Variants in TUBB8 observed in about 807,000 individuals in gnomAD.
TUBB8 encodes the protein tubulin beta 8 class VIII.
In TUBB8, 25 loss-of-function variants were observed where a neutral mutation model predicts 33.7. That is an observed-to-expected ratio of 0.74 (90% CI 0.54 to 1.04). TUBB8 has a LOEUF of 1.04. Among genes scored for constraint, TUBB8 ranks in the 50% least tolerant of loss-of-function variants. The probability of loss-of-function intolerance (pLI) is 0.00; values close to 1 mark genes in which losing one functional copy is unlikely to be tolerated. For synonymous variants in TUBB8, 245 were observed against 240.1 expected (o/e 1.02, Z -0.19); for missense variants, 279 against 608.0 (o/e 0.46, Z 5.69).
chr10:75,244 G>T (rs1445592989), upstream of TUBB8, among the ~76,000 whole-genome samples: 1 of 151,994 alleles, frequency 6.6e-6, no homozygotes, highest in East Asian at 1.9e-4. Flanking sequence ...AACTACTTGG[G>T]AGGCTGAGGC....
At chr10:67,561 A>G (rs1368491959) in intron 1 of TUBB8, among the ~76,000 whole-genome samples, 2 of 152,116 alleles carry the variant, frequency 1.3e-5, no homozygotes, top group African/African-American at 2.4e-5. Context: ...AGTAGCTAGG[A>G]TTACATGCGC....
In TUBB8 at chr10:47,498, GT is replaced by G. The variant is rs1446854886; in HGVS notation, c.893del (p.Asn298ThrfsTer2). On this transcript the variant is annotated frameshift_variant, in exon 4 of 4. Transcript: ENST00000568584. LOFTEE classifies it high-confidence loss of function. ...ELTQQMFDAK[N>X]MMAACDPRHG... ...GACGGGGGTCACAGGCAGCCATCATGTTCTTAGCATCAAACATCTGCTGGGT... is the reference window on the plus strand; with the variant it reads ...GACGGGGGTCACAGGCAGCCATCATGTCTTAGCATCAAACATCTGCTGGGT... 1 of 1,612,170 alleles carries G rather than the reference GT, an allele frequency of 6.2e-7. No individual in the cohort carries two copies. The highest frequency in any genetic ancestry group is 1.3e-5 in the African/African-American group (1 of 74,912).
At chr10:64,498 T>G (rs1554741324) in intron 1 of TUBB8, among the ~76,000 whole-genome samples, 1 of 83,620 alleles carries the variant, frequency 1.2e-5, no homozygotes, top group Non-Finnish European at 2.3e-5. Flanking sequence ...ACCCTAACCC[T>G]CACCCTCACC....
rs1463369289 is a variant in TUBB8 at position 63,563 on chromosome 10, C to A, written c.-846+10406G>T. Among the ~76,000 whole-genome samples the A allele has an allele frequency of 2.6e-5, 4 of 152,194 alleles. No individual in the cohort carries two copies. In the East Asian group the frequency reaches 7.7e-4, roughly 29 times the overall value. ...TCACTAAATCTATCTTCTCCTTGAT[C>A]AATTTTTTTAAGTAACTCTGATGCA... On this transcript the variant is annotated intron_variant, in intron 1 of 3. Transcript: ENST00000564130.
upstream of TUBB8, chr10:49,477 G>A (rs1834437015): frequency 1.6e-6 from 1 of 620,280 alleles, no homozygotes; most frequent in African/African-American, 2.7e-5. Flanking sequence ...TTCCACGTTG[G>A]GGAAAGCTGC....
In TUBB8 at chr10:49,226, C is replaced by T. The variant is rs1299875180; in HGVS notation, c.13G>A (p.Val5Met). 6.3e-7 allele frequency: 1 copy of T among 1,585,244 alleles called. No individual in the cohort carries two copies. Among genetic ancestry groups the T allele is most frequent in the Non-Finnish European group, 8.6e-7 (1 of 1,166,340 alleles). ...CCGCACTGCCCGATCTGCGTGAGCA[C>T]GATCTCCCTCATGGCCAAGGCGGGA... MREI[V>M]LTQIGQCGNQ... The change falls in exon 1 of 4, where the codon GTG (valine) becomes ATG (methionine). Residue 5 changes from valine (V) to methionine (M), a missense_variant. By Grantham distance (21) the Val-to-Met change is conservative. Around this residue, in one of 4 missense-constraint regions of TUBB8, gnomAD observed 56 missense variants for 77.9 expected, o/e 0.72. Transcript: ENST00000568584.
At chr10:56,062 A>T (rs1321400231) in intron 1 of TUBB8, among the ~76,000 whole-genome samples, 14 of 152,246 alleles carry the variant, frequency 9.2e-5, no homozygotes, top group Non-Finnish European at 1.5e-5. Context: ...AAAAGTACAG[A>T]TTGCTTTGGA....
intron 1 of TUBB8, among the ~76,000 whole-genome samples, chr10:62,923 T>C (rs1834621806): frequency 6.6e-6 from 1 of 152,240 alleles, no homozygotes; most frequent in South Asian, 2.1e-4. Context: ...ATCATTTCTT[T>C]ATCCTTAACC....
At chr10:58,674 C>G (rs1446912593) in intron 1 of TUBB8, among the ~76,000 whole-genome samples, 2 of 152,166 alleles carry the variant, frequency 1.3e-5, no homozygotes, top group African/African-American at 4.8e-5. Context: ...TGGGAACTCA[C>G]TCACTATCAT....
At chr10:74,235 A>C (rs1472079933), upstream of TUBB8, 17 of 151,024 alleles carry the variant, frequency 1.1e-4, no homozygotes, top group African/African-American at 4.1e-4. Context: ...AGCTCTGGGG[A>C]ATCTCTGGAA....
chr10:66,383 C>T (rs148242157), intron 1 of TUBB8, among the ~76,000 whole-genome samples: 18,809 of 119,030 alleles, frequency 0.16, no homozygotes, highest in African/African-American at 0.29. Context: ...GGGTGGTGGC[C>T]CACACCTGTA....
At chr10:74,308 T>TC (rs2130955511), upstream of TUBB8, 1 of 151,472 alleles carries the variant, frequency 6.6e-6, no homozygotes, top group East Asian at 1.9e-4. Context: ...GAGACCACCA[T>TC]CCCGTCCCTT....
rs1834361948 is a variant in TUBB8 at position 47,557 on chromosome 10, G to A, written c.835C>T (p.Gln279Ter). 6.2e-7 allele frequency: 1 copy of A among 1,611,598 alleles called. No homozygotes were observed. Residue 279 changes from glutamine to a stop codon, truncating the protein, a stop_gained, in exon 4 of 4, where the codon CAG becomes TAG. Coordinates refer to ENST00000568584, the MANE Select transcript of TUBB8 (RefSeq NM_177987.3). LOFTEE classifies it high-confidence loss of function. Reference sequence around the variant, plus strand: ...GCCACAGTCAAGGCCCGGTACTGCTGGCTGCCCCGGCTGGTCAGTGGGGCA... The same window carrying A: ...GCCACAGTCAAGGCCCGGTACTGCTAGCTGCCCCGGCTGGTCAGTGGGGCA... The part of the protein sequence containing the change: ...GFAPLTSRGS[Q>*]QYRALTVAEL...
At chr10:52,171 C>T (rs73577600), upstream of TUBB8, among the ~76,000 whole-genome samples, 14,126 of 115,854 alleles carry the variant, frequency 0.12, no homozygotes, top group African/African-American at 0.26. Context: ...GAGTCTCTCA[C>T]CCTAATATTA....
upstream of TUBB8, among the ~76,000 whole-genome samples, chr10:74,894 G>GGGGGC (rs1834790556): frequency 8.8e-6 from 1 of 113,648 alleles, no homozygotes; most frequent in African/African-American, 3.3e-5. Context: ...TTTTTTTTGA[G>GGGGGC]ACGGAGTTTC....
Position 48,715 on chromosome 10 carries a change from G to A in TUBB8, c.177C>T (p.Tyr59=), listed in dbSNP as rs138641173. The A allele has an allele frequency of 9.3e-5, 150 of 1,611,526 alleles. No individual in the cohort carries two copies. In the African/African-American group the frequency reaches 1.8e-3, roughly 19 times the overall value. Residue 59 remains tyrosine, a synonymous_variant, in exon 3 of 4, where the codon TAC becomes TAT. Coordinates refer to ENST00000568584, the MANE Select transcript of TUBB8 (RefSeq NM_177987.3). The part of the protein sequence containing the change: ...VYYNEASGGR[Y]VPRAVLVDLE... ...GATCCACGAGCACAGCGCGGGGCACGTACCTGCCACCTGCGTGGGGCGGGA... is the reference window on the plus strand; with the variant it reads ...GATCCACGAGCACAGCGCGGGGCACATACCTGCCACCTGCGTGGGGCGGGA...
chr10:61,978 T>C (rs1834607992), intron 1 of TUBB8, among the ~76,000 whole-genome samples: 1 of 140,536 alleles, frequency 7.1e-6, no homozygotes, highest in Non-Finnish European at 1.6e-5. Flanking sequence ...TCAGTCTAAA[T>C]GTATCTTTAT....
intron 1 of TUBB8, among the ~76,000 whole-genome samples, chr10:68,721 AT>A (rs1447391866): frequency 1.3e-5 from 2 of 152,216 alleles, no homozygotes; most frequent in Non-Finnish European, 2.9e-5. Context: ...ACTCCAGTGT[AT>A]TTTACCAAAG....
chr10:65,552 C>T (rs756627719), intron 1 of TUBB8, among the ~76,000 whole-genome samples: 41 of 151,792 alleles, frequency 2.7e-4, no homozygotes, highest in Non-Finnish European at 5.4e-4. Flanking sequence ...TGGTGAAACC[C>T]TGTCTCTACT....
Sources: gnomAD v4.1 joint callset for allele counts (sites outside exome capture counted in the v4.1 genomes callset) on GRCh38, gnomAD v4.1.1 for gene constraint, gnomAD v4.1.1 regional missense constraint, MANE v1.5 for transcripts, NCBI Gene and HGNC (gene_info 2026-07-23, HGNC 2026-07-21) for gene names.